The following ENGASE variants were observed in gnomAD, a reference collection of about 807,000 sequenced individuals.
The protein encoded by ENGASE is endo-beta-N-acetylglucosaminidase, also known as cytosolic endo-beta-N-acetylglucosaminidase.
Under a neutral mutation model 78.5 loss-of-function variants are expected in ENGASE, and 69 were observed. The ratio of observed to expected loss-of-function variants is 0.88; its 90% CI spans 0.72 to 1.07. ENGASE has a LOEUF of 1.07. Among genes scored for constraint, ENGASE ranks in the 50% least tolerant of loss-of-function variants. The probability of loss-of-function intolerance (pLI) is 0.00; values close to 1 mark genes in which losing one functional copy is unlikely to be tolerated. For synonymous variants in ENGASE, 408 were observed against 408.9 expected, an observed-to-expected ratio of 1.00 and a Z score of 0.03; for missense variants, 943 against 988.4, an observed-to-expected ratio of 0.95 and a Z score of 0.62.
rs1173539673 is a variant in ENGASE, at chr17:79,088,156, CCACT to C, written c.*1813_*1816del. ...GAACACAAGCGGCTGCCGCATGTAGCCACTCACTCGACTTTTTTTCAGCTGTGAC... is the reference window on the plus strand; with the variant it reads ...GAACACAAGCGGCTGCCGCATGTAGCCACTCGACTTTTTTTCAGCTGTGAC... On this transcript the variant is annotated 3_prime_UTR_variant, in exon 14 of 14. Coordinates refer to ENST00000579016, the MANE Select transcript of ENGASE (RefSeq NM_001042573.3). The C allele has an allele frequency of 1.4e-5, 2 of 138,170 alleles. No individual in the cohort carries two copies. The highest frequency in any genetic ancestry group is 2.5e-5 in the African/African-American group (1 of 40,372). The allele number at this position is 138,170 out of a possible 1,614,324, so 8.6% of individuals were successfully genotyped here. A position where few individuals can be genotyped will look rare whatever the true frequency, so the allele number is the denominator to read the frequency against.
intron 11 of ENGASE, 105 bp downstream of exon 11, chr17:79,084,791 G>C (rs572294989): frequency 2.9e-4 from 366 of 1,269,418 alleles, no homozygotes; most frequent in Middle Eastern, 4.9e-4. Flanking sequence ...TGTGGACAGT[G>C]GGGGGGTACA....
At chr17:79,079,263 A>G (rs2073054124) in intron 3 of ENGASE, among the ~76,000 whole-genome samples, 1 of 152,170 alleles carries the variant, frequency 6.6e-6, no homozygotes, top group Non-Finnish European at 1.5e-5. Flanking sequence ...TCCCAGGCTC[A>G]AGCAACTCTC....
Position 79,080,267 on chromosome 17 carries a change from ATGAGCGCTCG to A in ENGASE, c.628_637del (p.Glu210ThrfsTer21). ...CTCTGTGAAGCCTTCCTGGCCGGGG[ATGAGCGCTCG>A]TACCAGGCAGTGGCTGACCGGCTGG... On this transcript the variant is annotated frameshift_variant, in exon 5 of 14. Transcript: ENST00000579016. LOFTEE classifies it high-confidence loss of function. 6.2e-7 allele frequency: 1 copy of A among 1,613,636 alleles called. No homozygotes were observed. The highest frequency in any genetic ancestry group is 8.5e-7 in the Non-Finnish European group (1 of 1,179,792).
chr17:79,082,670 A>C, intron 7 of ENGASE: 1 of 1,313,966 alleles, frequency 7.6e-7, no homozygotes, highest in South Asian at 1.2e-5. Flanking sequence ...AAATGAGTAA[A>C]TTAATCCAAT....
chr17:79,075,623 C>T (rs2072950436), intron 1 of ENGASE: 1 of 919,190 alleles, frequency 1.1e-6, no homozygotes, highest in Admixed American at 6.2e-5. Context: ...ACATGCCCCT[C>T]TGGGCTGGGC....
chr17:79,075,594 C>G lies in ENGASE; in HGVS notation c.146+504C>G, dbSNP rs1026877462. The stretch of plus-strand genomic sequence containing the variant: ...GCGGGGAACAGAAAGGGCCAAAGCA[C>G]AGAGACAGAAAGGGACGAACATGCC... On this transcript the variant is annotated intron_variant, in intron 1 of 13. Coordinates refer to ENST00000579016, the MANE Select transcript of ENGASE (RefSeq NM_001042573.3). 1.7e-5 allele frequency: 12 copies of G among 697,924 alleles called. No homozygotes were observed. In the African/African-American group the frequency reaches 2.3e-4, roughly 14 times the overall value. The allele number at this position is 697,924 out of a possible 1,614,324, so 43.2% of individuals were successfully genotyped here. A position where few individuals can be genotyped will look rare whatever the true frequency, so the allele number is the denominator to read the frequency against.
intron 11 of ENGASE, 78 bp downstream of exon 11, chr17:79,084,764 G>T: frequency 6.6e-7 from 1 of 1,508,522 alleles, no homozygotes; most frequent in Non-Finnish European, 9.0e-7. Flanking sequence ...GGCTCCTGGG[G>T]TGTGGGGAGG....
chr17:79,081,133 AG>A, intron 6 of ENGASE, 60 bp downstream of exon 6: 6 of 165,324 alleles, frequency 3.6e-5, no homozygotes, highest in Non-Finnish European at 5.3e-5. Context: ...GGGTACTGTG[AG>A]GGGTGGGTGC....
intron 6 of ENGASE, among the ~76,000 whole-genome samples, chr17:79,081,624 G>A (rs2073139824): frequency 6.6e-6 from 1 of 152,070 alleles, no homozygotes; most frequent in Non-Finnish European, 1.5e-5. Context: ...CCTAGGTCCT[G>A]GAGGCAGCTC....
chr17:79,079,759 C>T (rs1000830631), intron 4 of ENGASE, 122 bp downstream of exon 4: 19 of 1,325,664 alleles, frequency 1.4e-5, no homozygotes, highest in East Asian at 1.2e-4. Context: ...TCGCTGGGGG[C>T]CGCCTTGGTC....
intron 11 of ENGASE, among the ~76,000 whole-genome samples, chr17:79,085,033 G>A (rs1282086146): frequency 6.6e-6 from 1 of 152,130 alleles, no homozygotes; most frequent in African/African-American, 2.4e-5. Flanking sequence ...GCGCCAGGAC[G>A]AGTGAGGGCG....
chr17:79,085,338 C>CA lies in ENGASE; in HGVS notation c.1697dup (p.His567AlafsTer25), dbSNP rs766946209. 1.9e-6 allele frequency: 3 copies of CA among 1,608,384 alleles called. No homozygotes were observed. The South Asian group carries it at 3.3e-5, about 18-fold the overall frequency. On this transcript the variant is annotated frameshift_variant, in exon 12 of 14. Transcript: ENST00000579016. LOFTEE classifies it high-confidence loss of function. ...CCGGCAGCTGAGTGGGGGCTGGGTC[C>CA]AGCAGTAAGTCCCTCTGCTTCTTCA...
chr17:79,084,271 A>G, intron 10 of ENGASE: 6 of 428,512 alleles, frequency 1.4e-5, no homozygotes, highest in Non-Finnish European at 1.5e-5. Flanking sequence ...CCACCCCTTT[A>G]CTCTGCATCT....
chr17:79,087,420 C>G lies in ENGASE; in HGVS notation c.*1071C>G, dbSNP rs2073351320. Reference sequence around the variant, plus strand: ...TTCACCACAGGCGCCTTCCTCTGTCCTTCCTGCTCTTTCTTCTCTGCCCAG... The same window carrying G: ...TTCACCACAGGCGCCTTCCTCTGTCGTTCCTGCTCTTTCTTCTCTGCCCAG... On this transcript the variant is annotated 3_prime_UTR_variant, in exon 14 of 14. Transcript: ENST00000579016. 5.4e-5 allele frequency: 12 copies of G among 222,560 alleles called. No homozygotes were observed. The South Asian group carries it at 7.3e-4, about 13-fold the overall frequency. 13.8% of individuals were successfully genotyped at this position (222,560 alleles called of 1,614,324 possible). A position where few individuals can be genotyped will look rare whatever the true frequency, so the allele number is the denominator to read the frequency against.
Position 79,084,639 on chromosome 17 carries a change from CAG to C in ENGASE, c.1545_1546del (p.Asp517CysfsTer74), listed in dbSNP as rs781276211. On this transcript the variant is annotated frameshift_variant, in exon 11 of 14. Transcript: ENST00000579016. LOFTEE classifies it high-confidence loss of function. ...GTCACAGTTGCTTTGGAGCTGACCA[CAG>C]GGGATGCCGGCAGCTGCCACATCGG... 1.2e-6 allele frequency: 2 copies of C among 1,613,472 alleles called. No individual in the cohort carries two copies. The highest frequency in any genetic ancestry group is 1.7e-6 in the Non-Finnish European group (2 of 1,179,862).
chr17:79,085,586 AG>A lies in ENGASE; in HGVS notation c.1701-33del, dbSNP rs1361478119. ...GGCTCACCCTGGAGCCTCTGGGCTG[AG>A]CCCGGCCAGTGATCAGCCCTTTCGC... On this transcript the variant is annotated intron_variant, in intron 12 of 13. Coordinates refer to ENST00000579016, the MANE Select transcript of ENGASE (RefSeq NM_001042573.3). 3 of 1,609,930 alleles carry A rather than the reference AG, an allele frequency of 1.9e-6. No individual in the cohort carries two copies. In the African/African-American group the frequency reaches 4.0e-5, roughly 22 times the overall value.
chr17:79,086,314 G>C lies in ENGASE; in HGVS notation c.2197G>C (p.Gly733Arg), dbSNP rs375398985. ...EGFRVPQAEW[G>R]RAVLLYSAPA ...GTTCCGGGTACCTCAGGCCGAGTGG[G>C]GCAGGGCAGTTCTGCTTTATTCAGC... The change falls in exon 14 of 14, where the codon GGC (glycine) becomes CGC (arginine). Residue 733 changes from glycine (G) to arginine (R), a missense_variant. By Grantham distance (125) the Gly-to-Arg change is moderately radical (BLOSUM62 -2). Transcript: ENST00000579016. 1.2e-6 allele frequency: 2 copies of C among 1,613,428 alleles called. No individual in the cohort carries two copies. The highest frequency in any genetic ancestry group is 8.5e-7 in the Non-Finnish European group (1 of 1,180,030).
At position 79,083,085 on chromosome 17, in the gene ENGASE, GTGTC is replaced by G; in HGVS notation, c.1107_1110del (p.Cys369TrpfsTer52). On this transcript the variant is annotated frameshift_variant, in exon 8 of 14. Transcript: ENST00000579016. LOFTEE classifies it high-confidence loss of function. This position sits in a 1 kb window ranked among gnomAD's most constrained non-coding sequence, Gnocchi z 4.9. ...TGTTTGCCCCCGGCTGGGTGTATGA[GTGTC>G]TGGAGAAGAAGGATTTCTTCCAGAA... 6.2e-7 allele frequency: 1 copy of G among 1,614,048 alleles called. No individual in the cohort carries two copies. Among genetic ancestry groups the G allele is most frequent in the Non-Finnish European group, 8.5e-7 (1 of 1,179,984 alleles).
chr17:79,077,921 GGGCTGGA>G, intron 3 of ENGASE, 57 bp downstream of exon 3: 7 of 1,402,536 alleles, frequency 5.0e-6, no homozygotes, highest in Non-Finnish European at 6.8e-6. Context: ...GCTGGGGTGG[GGGCTGGA>G]GGGGCGGGAG....
Sources: allele counts gnomAD v4.1 joint callset (sites outside exome capture counted in the v4.1 genomes callset), GRCh38; gene constraint gnomAD v4.1.1; non-coding constraint Gnocchi (gnomAD v3.1); transcripts MANE v1.5; gene names NCBI Gene and HGNC (gene_info 2026-07-23, HGNC 2026-07-21).